Variants in FGF12 observed in about 807,000 individuals in gnomAD.
FGF12 encodes the protein fibroblast growth factor 12.
In FGF12, 14 loss-of-function variants were observed where a neutral mutation model predicts 23.6. That is an observed-to-expected ratio of 0.59 (90% confidence interval 0.39 to 0.93). The LOEUF is 0.93. FGF12 is among the 40% of genes least tolerant of loss of function. The pLI, the probability that FGF12 is intolerant of heterozygous loss-of-function variation, is 0.00. For missense variants in FGF12, 175 were observed against 217.8 expected, an observed-to-expected ratio of 0.80 and a Z score of 1.24; for synonymous variants, 62 against 77.3, an observed-to-expected ratio of 0.80 and a Z score of 1.04.
At chr3:192,606,088 A>C (rs1036614008) in intron 2 of FGF12, among the ~76,000 whole-genome samples, 1 of 152,218 alleles carries the variant, frequency 6.6e-6, no homozygotes, top group Admixed American at 6.5e-5. Context: ...TCATCACAGC[A>C]CTATTCACAA....
chr3:192,500,161 T>A (rs977905308), intron 2 of FGF12, among the ~76,000 whole-genome samples: 1 of 152,200 alleles, frequency 6.6e-6, no homozygotes, highest in Non-Finnish European at 1.5e-5. Context: ...CCCAGGTGGC[T>A]TGGAAAGTAG....
chr3:192,408,591 G>T lies in FGF12; in HGVS notation c.14-48053C>A. 9.3e-7 allele frequency: 1 copy of T among 1,078,868 alleles called. No individual in the cohort carries two copies. Among genetic ancestry groups the T allele is most frequent in the Non-Finnish European group, 1.1e-6 (1 of 889,172 alleles). The allele number at this position is 1,078,868 out of a possible 1,614,324, so 66.8% of individuals were successfully genotyped here. On this transcript the variant is annotated intron_variant, in intron 2 of 5. Transcript: ENST00000445105. This position sits in a 1 kb window ranked among gnomAD's most constrained non-coding sequence, Gnocchi z 7.3. The stretch of plus-strand genomic sequence containing the variant: ...CACACTGCGTTCGGGGTACCAAGTG[G>T]AAGGGGAAGAACGATGCCCAAAATA...
At chr3:192,439,249 C>T (rs902698272) in intron 2 of FGF12, among the ~76,000 whole-genome samples, 2 of 152,310 alleles carry the variant, frequency 1.3e-5, no homozygotes, top group Non-Finnish European at 2.9e-5. Context: ...CTCCTGTCAA[C>T]CTACATTCTG....
At chr3:192,332,218 T>C (rs1380754983) in intron 4 of FGF12, among the ~76,000 whole-genome samples, 1 of 152,026 alleles carries the variant, frequency 6.6e-6, no homozygotes, top group African/African-American at 2.4e-5. Flanking sequence ...GTAACCTCCA[T>C]AAGCTGTTGG....
chr3:192,724,344 T>C (rs1414955281), intron 2 of FGF12, among the ~76,000 whole-genome samples: 1 of 152,112 alleles, frequency 6.6e-6, no homozygotes, highest in African/African-American at 2.4e-5. Context: ...CTGCTGTACA[T>C]AGGGACCTCT....
chr3:192,450,608 T>C (rs1000817322), intron 2 of FGF12, among the ~76,000 whole-genome samples: 1 of 152,190 alleles, frequency 6.6e-6, no homozygotes, highest in Non-Finnish European at 1.5e-5. Context: ...AACAAAAAGA[T>C]GCTTTACTCT....
chr3:192,515,820 C>A (rs1335591540), intron 2 of FGF12, among the ~76,000 whole-genome samples: 1 of 136,064 alleles, frequency 7.3e-6, no homozygotes, highest in Non-Finnish European at 1.6e-5. Flanking sequence ...TTTTTCCCAG[C>A]AGCCCCCTTG....
At chr3:192,341,358 A>C (rs554129315) in intron 3 of FGF12, among the ~76,000 whole-genome samples, 149 of 152,300 alleles carry the variant, frequency 9.8e-4, no homozygotes, top group African/African-American at 3.5e-3. Flanking sequence ...ATGTATAATA[A>C]AATTGTTGTC....
At chr3:192,618,809 G>C (rs1714862011) in intron 2 of FGF12, among the ~76,000 whole-genome samples, 1 of 151,616 alleles carries the variant, frequency 6.6e-6, no homozygotes, top group Admixed American at 6.6e-5. Context: ...CTTTGGGTGA[G>C]AACAGTTCCA....
rs889040460 is a variant in FGF12 at position 192,363,694 on chromosome 3, C to T, written c.14-3156G>A. 8.5e-5 allele frequency among the ~76,000 whole-genome samples: 13 copies of T among 152,140 alleles called. No individual in the cohort carries two copies. In the East Asian group the frequency reaches 2.5e-3, roughly 29 times the overall value. On this transcript the variant is annotated intron_variant, in intron 2 of 5. Coordinates refer to ENST00000445105, the MANE Select transcript of FGF12 (RefSeq NM_004113.6). ...ACCAACCTTTCCAGGTTCAGCTCAA[C>T]ATCACCTTCTCCATGAAGACTCAGC...
chr3:192,590,142 C>G (rs1713559772), intron 2 of FGF12, among the ~76,000 whole-genome samples: 1 of 151,912 alleles, frequency 6.6e-6, no homozygotes, highest in South Asian at 2.1e-4. Flanking sequence ...CATATTTAAC[C>G]TAAAACTCAG....
intron 2 of FGF12, among the ~76,000 whole-genome samples, chr3:192,657,444 T>C (rs1009144259): frequency 6.6e-6 from 1 of 151,270 alleles, no homozygotes; most frequent in African/African-American, 2.4e-5. Flanking sequence ...AGAGAACTAT[T>C]AGAACTGTAA....
At chr3:192,685,035 T>A (rs1474058319) in intron 2 of FGF12, among the ~76,000 whole-genome samples, 1 of 152,192 alleles carries the variant, frequency 6.6e-6, no homozygotes, top group Non-Finnish European at 1.5e-5. Flanking sequence ...CATAGTGTTG[T>A]TGTAAAGATT....
chr3:192,147,999 ATTCAT>A (rs921576522), intron 5 of FGF12, among the ~76,000 whole-genome samples: 38 of 151,074 alleles, frequency 2.5e-4, no homozygotes, highest in African/African-American at 9.0e-4. Flanking sequence ...TTGAAACCCT[ATTCAT>A]TTCTACTTAA....
chr3:192,246,898 AAAG>A (rs972265415), intron 4 of FGF12, among the ~76,000 whole-genome samples: 36 of 147,238 alleles, frequency 2.4e-4, no homozygotes, highest in African/African-American at 8.7e-4. Flanking sequence ...AGAGAGGAAG[AAAG>A]AAGAAAGAAA....
At chr3:192,721,302 ATAT>A (rs1719032064) in intron 2 of FGF12, among the ~76,000 whole-genome samples, 1 of 152,170 alleles carries the variant, frequency 6.6e-6, no homozygotes, top group African/African-American at 2.4e-5. Flanking sequence ...CATAATCATG[ATAT>A]TATGGTACAG....
At chr3:192,721,778 T>C (rs1361802330) in intron 2 of FGF12, among the ~76,000 whole-genome samples, 1 of 152,122 alleles carries the variant, frequency 6.6e-6, no homozygotes, top group Non-Finnish European at 1.5e-5. Flanking sequence ...TTATAGTAGA[T>C]ACATAGCTTG....
chr3:192,477,290 C>T (rs950498327), intron 2 of FGF12, among the ~76,000 whole-genome samples: 1 of 152,176 alleles, frequency 6.6e-6, no homozygotes, highest in Admixed American at 6.5e-5. Context: ...ACCCAACAAG[C>T]AGCAGAGTAC....
At chr3:192,297,228 T>A (rs370293565) in intron 4 of FGF12, among the ~76,000 whole-genome samples, 2 of 152,224 alleles carry the variant, frequency 1.3e-5, no homozygotes, top group Non-Finnish European at 2.9e-5. Flanking sequence ...GACCGATTCA[T>A]TCACTTTTCT....
Sources: allele counts gnomAD v4.1 joint callset (sites outside exome capture counted in the v4.1 genomes callset), GRCh38; gene constraint gnomAD v4.1.1; non-coding constraint Gnocchi (gnomAD v3.1); transcripts MANE v1.5; gene names NCBI Gene and HGNC (gene_info 2026-07-23, HGNC 2026-07-21).